The following GRM8 variants were observed in gnomAD, a reference collection of about 807,000 sequenced individuals.
GRM8 encodes glutamate metabotropic receptor 8, also known as metabotropic glutamate receptor 8.
GRM8 carries 47 observed loss-of-function variants against 87.2 expected under a neutral mutation model. The ratio of observed to expected loss-of-function variants is 0.54; its 90% confidence interval spans 0.43 to 0.69. The LOEUF (loss-of-function observed/expected upper bound fraction) is 0.69. Ranked by LOEUF, GRM8 falls within the 30% of genes least tolerant of loss-of-function variation. The pLI is 0.00. For missense variants in GRM8, 1,019 were observed against 1,139.2 expected, an observed-to-expected ratio of 0.89 and a Z score of 1.52; for synonymous variants, 396 against 404.5, an observed-to-expected ratio of 0.98 and a Z score of 0.25.
At chr7:127,085,078 C>T (rs1356107333) in intron 3 of GRM8, among the ~76,000 whole-genome samples, 1 of 152,132 alleles carries the variant, frequency 6.6e-6, no homozygotes, top group Non-Finnish European at 1.5e-5. Context: ...GTTTTCTGTC[C>T]TTGTGATAGT....
intron 6 of GRM8, among the ~76,000 whole-genome samples, chr7:126,779,571 T>C (rs1185140408): frequency 2.0e-5 from 3 of 152,166 alleles, no homozygotes; most frequent in African/African-American, 4.8e-5. Flanking sequence ...AGACATAACA[T>C]AGCTACAATA....
intron 7 of GRM8, among the ~76,000 whole-genome samples, chr7:126,719,390 G>A (rs555050254): frequency 6.6e-6 from 1 of 152,116 alleles, no homozygotes; most frequent in Non-Finnish European, 1.5e-5. Context: ...ACTCAATAAA[G>A]TATTCATCAG....
chr7:126,950,696 T>C (rs747576010), intron 3 of GRM8, among the ~76,000 whole-genome samples: 2 of 152,172 alleles, frequency 1.3e-5, no homozygotes, highest in African/African-American at 2.4e-5. Context: ...GCATTTCCCA[T>C]GGCTTGTCTG....
intron 3 of GRM8, chr7:127,084,854 T>C (rs1351011252): frequency 6.6e-6 from 1 of 152,222 alleles, no homozygotes; most frequent in African/African-American, 2.4e-5. Context: ...AGGGTACATG[T>C]GCACAATGTG....
At chr7:127,107,240 G>T (rs896298244) in intron 2 of GRM8, among the ~76,000 whole-genome samples, 1 of 152,138 alleles carries the variant, frequency 6.6e-6, no homozygotes. Context: ...AGTTTTGCAA[G>T]TCTATTGACT....
chr7:126,963,445 TCTC>T (rs1050106127), intron 3 of GRM8, among the ~76,000 whole-genome samples: 5 of 152,152 alleles, frequency 3.3e-5, no homozygotes, highest in Admixed American at 2.0e-4. Flanking sequence ...CAGCTCGAAA[TCTC>T]CTTAAGCTGA....
intron 9 of GRM8, among the ~76,000 whole-genome samples, chr7:126,473,852 G>T (rs1363310501): frequency 1.3e-5 from 2 of 151,994 alleles, no homozygotes; most frequent in Non-Finnish European, 2.9e-5. Flanking sequence ...TTTTATAAAG[G>T]ACAGTTACCC....
chr7:126,735,185 T>C (rs1814064875), intron 7 of GRM8, among the ~76,000 whole-genome samples: 2 of 151,964 alleles, frequency 1.3e-5, no homozygotes, highest in South Asian at 4.1e-4. Context: ...GAAATACAAT[T>C]GTAAAATATA....
At chr7:126,844,600 A>G (rs753612040) in intron 6 of GRM8, among the ~76,000 whole-genome samples, 9 of 152,164 alleles carry the variant, frequency 5.9e-5, no homozygotes, top group Admixed American at 3.3e-4. Context: ...ATAAAACACT[A>G]TAGATTGAGT....
intron 6 of GRM8, among the ~76,000 whole-genome samples, chr7:126,891,130 C>T (rs925055143): frequency 2.6e-5 from 4 of 152,074 alleles, no homozygotes; most frequent in East Asian, 1.9e-4. Context: ...CAATCAATGA[C>T]CGAATTTCCC....
chr7:126,943,715 G>A (rs1807226130), intron 3 of GRM8, among the ~76,000 whole-genome samples: 1 of 152,192 alleles, frequency 6.6e-6, no homozygotes, highest in African/African-American at 2.4e-5. Flanking sequence ...TGGTGAGGCA[G>A]CCGAAATTAG....
intron 9 of GRM8, among the ~76,000 whole-genome samples, chr7:126,477,579 G>GAA (rs769352913): frequency 0.01 from 819 of 81,616 alleles, 6 homozygotes; most frequent in Non-Finnish European, 0.017. Flanking sequence ...AAGAAAGAAA[G>GAA]AGAGAAAGAA....
chr7:126,981,361 C>T lies in GRM8; in HGVS notation c.728-76678G>A, dbSNP rs933684104. 3.9e-5 allele frequency: 6 copies of T among 152,152 alleles called. No individual in the cohort carries two copies. In the East Asian group the frequency reaches 1.2e-3, roughly 29 times the overall value. 9.4% of individuals were successfully genotyped at this position (152,152 alleles called of 1,614,324 possible). On this transcript the variant is annotated intron_variant, in intron 3 of 10. Coordinates refer to ENST00000339582, the MANE Select transcript of GRM8 (RefSeq NM_000845.3). ...TATGTCAGTTTTTTGCTGCTTAGAA[C>T]ATCTGAAAATGGGTAATTTATTTTT...
At chr7:126,825,892 C>T (rs1794731955) in intron 6 of GRM8, among the ~76,000 whole-genome samples, 2 of 149,154 alleles carry the variant, frequency 1.3e-5, no homozygotes, top group Admixed American at 6.7e-5. Flanking sequence ...CACAACAGTC[C>T]CCAGAGTGTG....
At chr7:126,695,761 G>A (rs535105245) in intron 7 of GRM8, among the ~76,000 whole-genome samples, 113 of 151,648 alleles carry the variant, frequency 7.5e-4, no homozygotes, top group Non-Finnish European at 1.3e-3. Flanking sequence ...AAGGATGTAT[G>A]ATCAGATTTG....
At chr7:127,092,663 T>C (rs1824261611) in intron 3 of GRM8, among the ~76,000 whole-genome samples, 1 of 152,188 alleles carries the variant, frequency 6.6e-6, no homozygotes, top group Non-Finnish European at 1.5e-5. Flanking sequence ...GCCAAGGTTG[T>C]GCCACTGCAC....
At chr7:126,643,203 T>G (rs1246732844) in intron 7 of GRM8, among the ~76,000 whole-genome samples, 1 of 146,676 alleles carries the variant, frequency 6.8e-6, no homozygotes, top group Non-Finnish European at 1.5e-5. Flanking sequence ...GGTAGAAAGA[T>G]GGCTTGAGCC....
chr7:127,202,773 T>G (rs1400909622), intron 2 of GRM8, among the ~76,000 whole-genome samples: 1 of 152,168 alleles, frequency 6.6e-6, no homozygotes, highest in Non-Finnish European at 1.5e-5. Context: ...TTTATTCACT[T>G]ATATAAGATT....
At chr7:126,613,961 T>C (rs1332232234) in intron 7 of GRM8, among the ~76,000 whole-genome samples, 3 of 152,184 alleles carry the variant, frequency 2.0e-5, no homozygotes, top group Non-Finnish European at 4.4e-5. Flanking sequence ...GGGCAGGGCA[T>C]AGCCAAACAA....
Sources: allele counts gnomAD v4.1 joint callset (sites outside exome capture counted in the v4.1 genomes callset), GRCh38; gene constraint gnomAD v4.1.1; transcripts MANE v1.5; gene names NCBI Gene and HGNC (gene_info 2026-07-23, HGNC 2026-07-21).